FKBP9: variants seen among roughly 807,000 people sequenced by gnomAD.
FKBP9 encodes FKBP prolyl isomerase 9.
FKBP9 carries 27 observed loss-of-function variants against 55.6 expected under a neutral mutation model. The observed-to-expected ratio is 0.49, with a 90% confidence interval of 0.36 to 0.67. FKBP9 has a LOEUF of 0.67. FKBP9 is among the 30% of genes least tolerant of loss of function. The pLI, the probability that FKBP9 is intolerant of heterozygous loss-of-function variation, is 0.00. For synonymous variants in FKBP9, 267 were observed against 296.5 expected, an observed-to-expected ratio of 0.90 and a Z score of 1.02; for missense variants, 539 against 742.8, an observed-to-expected ratio of 0.73 and a Z score of 3.19.
intron 1 of FKBP9, among the ~76,000 whole-genome samples, chr7:32,958,027 A>T (rs1286387536): frequency 2.0e-5 from 3 of 152,230 alleles, no homozygotes; most frequent in Non-Finnish European, 4.4e-5. Context: ...GACCTTGAGC[A>T]GCGGGGTTGG....
At chr7:32,960,896 TTTAATC>T (rs1241862961) in intron 1 of FKBP9, among the ~76,000 whole-genome samples, 1 of 152,342 alleles carries the variant, frequency 6.6e-6, no homozygotes, top group African/African-American at 2.4e-5. Flanking sequence ...TGTTAACTCA[TTTAATC>T]TTAGAATAAT....
At chr7:32,996,630 CT>C (rs1784794578) in intron 7 of FKBP9, among the ~76,000 whole-genome samples, 1 of 146,078 alleles carries the variant, frequency 6.8e-6, no homozygotes, top group African/African-American at 2.6e-5. Flanking sequence ...TCCTTCCTTC[CT>C]TCCTTCCTTC....
At chr7:32,981,008 C>T (rs1784466625) in intron 5 of FKBP9, among the ~76,000 whole-genome samples, 1 of 149,278 alleles carries the variant, frequency 6.7e-6, no homozygotes, top group Non-Finnish European at 1.5e-5. Flanking sequence ...AGGAGAGACT[C>T]ACCCTCGACT....
intron 5 of FKBP9, 145 bp downstream of exon 5, chr7:32,980,698 C>T (rs1784460218): frequency 2.3e-5 from 30 of 1,311,644 alleles, no homozygotes; most frequent in Non-Finnish European, 2.9e-5. Flanking sequence ...TTTTCTGATA[C>T]TTAGTTCTTT....
At chr7:32,972,372 A>G (rs1784270939) in intron 1 of FKBP9, among the ~76,000 whole-genome samples, 2 of 152,140 alleles carry the variant, frequency 1.3e-5, no homozygotes, top group Non-Finnish European at 2.9e-5. Context: ...GAGGGAGAAG[A>G]GGGCCAGGTC....
intron 9 of FKBP9, among the ~76,000 whole-genome samples, chr7:33,003,984 C>A (rs2127989771): frequency 6.6e-6 from 1 of 152,068 alleles, no homozygotes; most frequent in East Asian, 1.9e-4. Flanking sequence ...ACCCGCACAC[C>A]CCGCTTGGGG....
chr7:32,999,488 T>A (rs1458095365), intron 7 of FKBP9, among the ~76,000 whole-genome samples: 3 of 151,710 alleles, frequency 2.0e-5, no homozygotes, highest in African/African-American at 7.3e-5. Context: ...TTTTTTTTTT[T>A]TTTAGTCTTA....
rs374451270 is a variant in FKBP9, at chr7:32,996,373, G to A, written c.1226+24G>A. 3.5e-4 allele frequency: 551 copies of A among 1,586,588 alleles called. No homozygotes were observed. Among genetic ancestry groups the A allele is most frequent in the Non-Finnish European group, 4.4e-4 (514 of 1,158,142 alleles). On this transcript the variant is annotated intron_variant, in intron 7 of 9. Coordinates refer to ENST00000242209, the MANE Select transcript of FKBP9 (RefSeq NM_007270.5). The stretch of plus-strand genomic sequence containing the variant: ...ACGTAAGGGCAACCAGAATGGTGTG[G>A]GAGTGAGCCTGGAGGGTGACAGTTG...
At chr7:32,959,188 G>A (rs1470174478) in intron 1 of FKBP9, among the ~76,000 whole-genome samples, 3 of 152,000 alleles carry the variant, frequency 2.0e-5, no homozygotes, top group Non-Finnish European at 2.9e-5. Flanking sequence ...GGCGGATCAC[G>A]AGGTCAGGAG....
rs377272641 is a variant in FKBP9, at chr7:33,000,252, C to T, written c.1364C>T (p.Ala455Val). The T allele has an allele frequency of 2.4e-5, 39 of 1,610,818 alleles. No homozygotes were observed. Among genetic ancestry groups the T allele is most frequent in the African/African-American group, 4.0e-5 (3 of 74,738 alleles). The change falls in exon 8 of 10, where the codon GCT becomes GTT. Residue 455 changes from alanine (A) to valine (V), a missense_variant. This residue lies in a region of FKBP9 where 102 missense variants were observed against 200.7 expected (regional missense o/e 0.51). Coordinates refer to ENST00000242209, the MANE Select transcript of FKBP9 (RefSeq NM_007270.5). ...IIPPHLGYGE[A>V]GVDGEVPGSA... ...CCGCCTCACCTGGGCTATGGGGAAG[C>T]TGGCGTGGGTGAGTAAGCAACGCTA...
intron 4 of FKBP9, 86 bp from the exon 5 acceptor site, chr7:32,980,278 A>G: frequency 3.2e-6 from 4 of 1,242,832 alleles, no homozygotes; most frequent in Non-Finnish European, 4.5e-6. Context: ...CAAGAAATGA[A>G]TAACACCAAC....
intron 1 of FKBP9, among the ~76,000 whole-genome samples, chr7:32,960,855 A>G (rs1211165910): frequency 4.6e-5 from 7 of 152,248 alleles, no homozygotes; most frequent in Non-Finnish European, 1.0e-4. Context: ...CATAGAGTTC[A>G]CACATAGTTC....
chr7:32,974,630 T>G lies in FKBP9; in HGVS notation c.235T>G (p.Ser79Ala), dbSNP rs1459870900. 10 of 1,613,542 alleles carry G rather than the reference T, an allele frequency of 6.2e-6. No homozygotes were observed. The highest frequency in any genetic ancestry group is 8.5e-6 in the Non-Finnish European group (10 of 1,179,668). ...QKFDSSYDRDSTFNVFVGKGQ... is the reference protein window; with the variant it reads ...QKFDSSYDRDATFNVFVGKGQ... The stretch of plus-strand genomic sequence containing the variant: ...TTGGGCCTTCAGCTATGACAGAGAC[T>G]CCACTTTCAATGTGTTTGTGGGAAA... The change falls in exon 2 of 10, where the codon TCC (serine) becomes GCC (alanine). Residue 79 changes from serine (S) to alanine (A), a missense_variant. Physicochemically the swap from Ser to Ala is moderately conservative, Grantham distance 99. Transcript: ENST00000242209.
Position 32,973,810 on chromosome 7 carries a change from C to A in FKBP9, c.222-807C>A, listed in dbSNP as rs182732343. On this transcript the variant is annotated intron_variant, in intron 1 of 9. Transcript: ENST00000242209. ...AGTTCAAGTGATTCTCCTGTCTCAG[C>A]CTCCCGAGTAGCTGGGATTACAGGC... 5.3e-3 allele frequency among the ~76,000 whole-genome samples: 240 copies of A among 45,102 alleles called. 2 individuals are homozygous for A. Among genetic ancestry groups the A allele is most frequent in the East Asian group, 0.012 (15 of 1,252 alleles). 29.6% of individuals were successfully genotyped at this position (45,102 alleles called of 152,430 possible). A position where few individuals can be genotyped will look rare whatever the true frequency, so the allele number is the denominator to read the frequency against.
chr7:32,966,190 C>CAAA (rs60022113), intron 1 of FKBP9, among the ~76,000 whole-genome samples: 10 of 77,182 alleles, frequency 1.3e-4, no homozygotes, highest in African/African-American at 4.2e-4. Flanking sequence ...GACGCCATCT[C>CAAA]AAAAAAAAAA....
chr7:32,985,797 A>C (rs1784563340), intron 5 of FKBP9, among the ~76,000 whole-genome samples: 1 of 152,044 alleles, frequency 6.6e-6, no homozygotes, highest in Admixed American at 6.5e-5. Context: ...GTTCAAGACC[A>C]GCCTGGCCAA....
Position 32,980,475 on chromosome 7 carries a change from A to G in FKBP9, c.815A>G (p.Glu272Gly), listed in dbSNP as rs751022545. The change falls in exon 5 of 10, where the codon GAG becomes GGG. Residue 272 changes from glutamate (E) to glycine (G), a missense_variant. This residue lies in a region of FKBP9 where 172 missense variants were observed against 205.3 expected (regional missense o/e 0.84). Transcript: ENST00000242209. ...IENKVVPENC[E>G]RISQSGDFLR... ...AACAAGGTAGTACCTGAAAACTGTG[A>G]GCGGATAAGTCAAAGTGGGGACTTT... 3.9e-5 allele frequency: 63 copies of G among 1,613,804 alleles called. No homozygotes were observed. The highest frequency in any genetic ancestry group is 1.6e-4 in the Middle Eastern group (1 of 6,078).
At chr7:32,996,512 A>G (rs1198889148) in intron 7 of FKBP9, among the ~76,000 whole-genome samples, 163 bp downstream of exon 7, 2 of 151,422 alleles carry the variant, frequency 1.3e-5, no homozygotes, top group African/African-American at 4.9e-5. Flanking sequence ...TTGTGTTAAG[A>G]GTTTCCTATT....
intron 1 of FKBP9, among the ~76,000 whole-genome samples, chr7:32,961,612 G>C (rs1387985012): frequency 1.3e-5 from 2 of 152,212 alleles, no homozygotes; most frequent in African/African-American, 4.8e-5. Context: ...TCTGTGGCCT[G>C]TTAGGAACCG....
Sources: gnomAD v4.1 joint callset for allele counts (sites outside exome capture counted in the v4.1 genomes callset) on GRCh38, gnomAD v4.1.1 for gene constraint, gnomAD v4.1.1 regional missense constraint, MANE v1.5 for transcripts, NCBI Gene and HGNC (gene_info 2026-07-23, HGNC 2026-07-21) for gene names.